Variants in VPS33A observed in about 807,000 individuals in gnomAD.
VPS33A encodes the protein vacuolar protein sorting-associated protein 33A.
A neutral mutation model predicts 71.8 loss-of-function variants in VPS33A; 32 were observed. The ratio of observed to expected loss-of-function variants is 0.45; its 90% CI spans 0.34 to 0.60. The LOEUF is 0.60. Among genes scored for constraint, VPS33A ranks in the 20% least tolerant of loss-of-function variants. The pLI, the probability that VPS33A is intolerant of heterozygous loss-of-function variation, is 0.02. For synonymous variants in VPS33A, 311 were observed against 292.7 expected (o/e 1.06, Z -0.64); for missense variants, 625 against 748.5 (o/e 0.84, Z 1.92).
In VPS33A at chr12:122,238,759, TTACATA is replaced by T. The variant is rs752815419; in HGVS notation, c.1165-41_1165-36del. The T allele has an allele frequency of 8.9e-6, 13 of 1,463,966 alleles. No individual in the cohort carries two copies. In the African/African-American group the frequency reaches 1.6e-4, roughly 18 times the overall value. 90.7% of individuals were successfully genotyped at this position (1,463,966 alleles called of 1,614,324 possible). A position where few individuals can be genotyped will look rare whatever the true frequency, so the allele number is the denominator to read the frequency against. On this transcript the variant is annotated intron_variant, in intron 9 of 12. Transcript: ENST00000267199. ...AAGTAGCATACATATACATATACAT[TTACATA>T]TACATACACACACACACACACACAC...
intron 9 of VPS33A, among the ~76,000 whole-genome samples, chr12:122,239,506 T>C (rs3964512): frequency 0.47 from 71,536 of 151,930 alleles, 18,023 homozygotes; most frequent in Middle Eastern, 0.61. Context: ...GAGGCCAAGG[T>C]GGGCGGATCA....
At chr12:122,242,294 G>A in intron 8 of VPS33A, 88 bp downstream of exon 8, 1 of 1,505,262 alleles carries the variant, frequency 6.6e-7, no homozygotes, top group Non-Finnish European at 9.1e-7. Context: ...CTCTCCCGAA[G>A]AGGCATTGTG....
At chr12:122,260,954 G>A (rs548613636) in intron 4 of VPS33A, among the ~76,000 whole-genome samples, 8 of 152,288 alleles carry the variant, frequency 5.3e-5, no homozygotes, top group South Asian at 4.1e-4. Context: ...CAGCCCGGGC[G>A]ACAGAGCGAG....
chr12:122,249,825 T>G (rs1375166951), intron 6 of VPS33A, 46 bp downstream of exon 6: 2 of 1,541,604 alleles, frequency 1.3e-6, no homozygotes, highest in East Asian at 2.3e-5. Context: ...ACAAAGGATA[T>G]TCTTCTCATA....
At chr12:122,257,926 T>C (rs575609974) in intron 4 of VPS33A, among the ~76,000 whole-genome samples, 1 of 152,092 alleles carries the variant, frequency 6.6e-6, no homozygotes, top group Admixed American at 6.5e-5. Context: ...TTGTGGACAA[T>C]TGATTTTTGA....
At chr12:122,259,533 T>C (rs1264292705) in intron 4 of VPS33A, among the ~76,000 whole-genome samples, 3 of 152,108 alleles carry the variant, frequency 2.0e-5, no homozygotes, top group African/African-American at 7.3e-5. Flanking sequence ...CTCCTAGGTA[T>C]ATCTAAGAGA....
intron 4 of VPS33A, among the ~76,000 whole-genome samples, chr12:122,251,429 C>G (rs1363444372): frequency 6.6e-6 from 1 of 152,136 alleles, no homozygotes; most frequent in Non-Finnish European, 1.5e-5. Context: ...TTACACTGAA[C>G]GATGGGTTCC....
rs140291299 is a variant in VPS33A at position 122,262,250 on chromosome 12, C to T, written c.297-803G>A. On this transcript the variant is annotated intron_variant, in intron 3 of 12. Transcript: ENST00000267199. ...TGTTACAGCTGTACCCACTCTCTCT[C>T]TCTTTCTTCCCCCTGACAGGAAAGC... Among the ~76,000 whole-genome samples, 132 of 152,260 alleles carry T rather than the reference C, an allele frequency of 8.7e-4. 1 individual carries two copies. The highest frequency in any genetic ancestry group is 3.0e-3 in the African/African-American group (125 of 41,570).
Position 122,266,338 on chromosome 12 carries a change from C to G in VPS33A, c.71G>C (p.Arg24Pro). ...TCCTGCGCACTTGTCCAGGAACTCG[C>G]GCAGCTCGCGACGCACCGCCTCGCG... ...VLREAVRREL[R>P]EFLDKCAGSK... Residue 24 changes from arginine (R) to proline (P), a missense_variant, in exon 1 of 13, where the codon CGC becomes CCC. By Grantham distance (103) the Arg-to-Pro change is moderately radical (BLOSUM62 -2). Coordinates refer to ENST00000267199, the MANE Select transcript of VPS33A (RefSeq NM_022916.6). 1.9e-6 allele frequency: 3 copies of G among 1,613,312 alleles called. No homozygotes were observed. The highest frequency in any genetic ancestry group is 2.5e-6 in the Non-Finnish European group (3 of 1,179,946).
At chr12:122,234,484 G>A (rs1369868328) in intron 11 of VPS33A, among the ~76,000 whole-genome samples, 1 of 152,150 alleles carries the variant, frequency 6.6e-6, no homozygotes, top group African/African-American at 2.4e-5. Flanking sequence ...TAGAGACAGG[G>A]TTTCACCATG....
Position 122,258,160 on chromosome 12 carries a change from C to T in VPS33A, c.483+3101G>A, listed in dbSNP as rs549887338. 5.3e-5 allele frequency among the ~76,000 whole-genome samples: 8 copies of T among 151,720 alleles called. No homozygotes were observed. The South Asian group carries it at 1.3e-3, about 24-fold the overall frequency. Reference sequence around the variant, plus strand: ...ATCCCAGCACTTTGGGAGGCTGAGGCGGGAGGATTGCCTGAGCTCAGGAGT... The same window carrying T: ...ATCCCAGCACTTTGGGAGGCTGAGGTGGGAGGATTGCCTGAGCTCAGGAGT... On this transcript the variant is annotated intron_variant, in intron 4 of 12. Transcript: ENST00000267199.
At position 122,229,708 on chromosome 12, in the gene VPS33A, T is replaced by A. The variant is rs560762060; in HGVS notation, c.*2538A>T. 6.6e-6 allele frequency: 1 copy of A among 152,360 alleles called. No homozygotes were observed. The highest frequency in any genetic ancestry group is 2.4e-5 in the African/African-American group (1 of 41,590). The allele number at this position is 152,360 out of a possible 1,614,324, so 9.4% of individuals were successfully genotyped here. The stretch of plus-strand genomic sequence containing the variant: ...ATATCCTTTCTCAGTAAGGGCATAC[T>A]CTTTTGAGACAAAGACTGCTTCAAG... On this transcript the variant is annotated 3_prime_UTR_variant, in exon 13 of 13. Transcript: ENST00000267199.
At chr12:122,233,658 A>G (rs1483277310) in intron 11 of VPS33A, among the ~76,000 whole-genome samples, 1 of 152,364 alleles carries the variant, frequency 6.6e-6, no homozygotes, top group Non-Finnish European at 1.5e-5. Flanking sequence ...ATAATAGACC[A>G]AAGTATAAAC....
At chr12:122,259,198 T>C (rs967023398) in intron 4 of VPS33A, among the ~76,000 whole-genome samples, 1 of 149,878 alleles carries the variant, frequency 6.7e-6, no homozygotes, top group African/African-American at 2.5e-5. Context: ...TGTATGTATG[T>C]ATGTATGTAT....
intron 4 of VPS33A, among the ~76,000 whole-genome samples, chr12:122,255,806 A>C (rs2136144695): frequency 7.2e-6 from 1 of 138,890 alleles, no homozygotes; most frequent in African/African-American, 2.7e-5. Context: ...TAACTTTTTT[A>C]TTTTTCGCTT....
At chr12:122,239,019 ACACC>A (rs1464182640) in intron 9 of VPS33A, among the ~76,000 whole-genome samples, 48 of 138,202 alleles carry the variant, frequency 3.5e-4, no homozygotes, top group African/African-American at 1.3e-3. Context: ...ACACACACAC[ACACC>A]CCCCAGTGAT....
At chr12:122,243,303 T>A (rs1371791799) in intron 7 of VPS33A, among the ~76,000 whole-genome samples, 1 of 152,130 alleles carries the variant, frequency 6.6e-6, no homozygotes, top group Non-Finnish European at 1.5e-5. Flanking sequence ...TGGAGTGCAG[T>A]GGTGTCATCA....
chr12:122,266,170 G>A, intron 1 of VPS33A, 137 bp downstream of exon 1: 1 of 1,331,180 alleles, frequency 7.5e-7, no homozygotes, highest in South Asian at 1.5e-5. Flanking sequence ...CAGGGGTGCA[G>A]GTAAAAGGGC....
At chr12:122,250,075 C>A (rs760378220) in intron 5 of VPS33A, 30 bp from the exon 6 acceptor site, 1 of 1,560,006 alleles carries the variant, frequency 6.4e-7, no homozygotes, top group Admixed American at 2.0e-5. Flanking sequence ...TGAGGTGGGG[C>A]CCCCCTGGGA....
Sources: gnomAD v4.1 joint callset for allele counts (sites outside exome capture counted in the v4.1 genomes callset) on GRCh38, gnomAD v4.1.1 for gene constraint, MANE v1.5 for transcripts, NCBI Gene and HGNC (gene_info 2026-07-23, HGNC 2026-07-21) for gene names.